TRDN: variants seen among roughly 807,000 people sequenced by gnomAD.
TRDN encodes triadin in skeletal muscle.
In TRDN, 161 loss-of-function variants were observed where a neutral mutation model predicts 149.7. That is an observed-to-expected ratio of 1.08 (90% CI 0.95 to 1.23). The LOEUF is 1.23. TRDN is among the 50% of genes most tolerant of loss of function. The pLI, the probability that TRDN is intolerant of heterozygous loss-of-function variation, is 0.00. For missense variants in TRDN, 896 were observed against 823.5 expected (o/e 1.09, Z -1.08); for synonymous variants, 294 against 250.5 (o/e 1.17, Z -1.64).
At chr6:123,419,371 T>G in intron 12 of TRDN, among the ~76,000 whole-genome samples, 1 of 152,228 alleles carries the variant, frequency 6.6e-6, no homozygotes, top group South Asian at 2.1e-4. Flanking sequence ...ATGCATAATT[T>G]TTTAAAATTT....
chr6:123,416,946 A>G (rs1582992986), intron 12 of TRDN, among the ~76,000 whole-genome samples: 1 of 152,124 alleles, frequency 6.6e-6, no homozygotes, highest in African/African-American at 2.4e-5. Flanking sequence ...TAGGTGATCC[A>G]CCTGCCTCCG....
chr6:123,278,645 C>T (rs1026603238), intron 25 of TRDN, among the ~76,000 whole-genome samples: 2 of 152,160 alleles, frequency 1.3e-5, no homozygotes, highest in South Asian at 2.1e-4. Flanking sequence ...TGGTGCGTGC[C>T]TGTAATCCCA....
intron 24 of TRDN, among the ~76,000 whole-genome samples, chr6:123,305,441 C>G (rs1778574082): frequency 1.3e-5 from 2 of 152,114 alleles, no homozygotes; most frequent in Admixed American, 6.6e-5. Context: ...TTAGGTTCCT[C>G]CAATTCAACT....
chr6:123,316,616 A>C, intron 23 of TRDN, 121 bp from the exon 24 acceptor site: 1 of 723,810 alleles, frequency 1.4e-6, no homozygotes, highest in Non-Finnish European at 2.3e-6. Context: ...TCTGTTTTCA[A>C]TTTCAATTAT....
intron 10 of TRDN, among the ~76,000 whole-genome samples, chr6:123,449,027 A>G (rs1342346084): frequency 6.6e-6 from 1 of 152,120 alleles, no homozygotes; most frequent in African/African-American, 2.4e-5. Flanking sequence ...GGGGGAGAGT[A>G]CTACATCAAG....
chr6:123,446,635 A>G (rs1775392777), intron 10 of TRDN, among the ~76,000 whole-genome samples: 1 of 149,394 alleles, frequency 6.7e-6, no homozygotes, highest in African/African-American at 2.5e-5. Context: ...GTGAGGCCAG[A>G]GTAGAGGACT....
intron 39 of TRDN, among the ~76,000 whole-genome samples, chr6:123,222,713 G>A (rs544504108): frequency 4.0e-5 from 6 of 150,264 alleles, no homozygotes; most frequent in Non-Finnish European, 8.9e-5. Flanking sequence ...AAGTGGAAGA[G>A]AAAATACTTT....
chr6:123,581,263 A>G (rs1283157997), intron 1 of TRDN, among the ~76,000 whole-genome samples: 1 of 152,206 alleles, frequency 6.6e-6, no homozygotes, highest in Non-Finnish European at 1.5e-5. Context: ...CAACTCCTTG[A>G]CAATATTTCC....
chr6:123,534,583 C>T (rs1780427158), intron 4 of TRDN, among the ~76,000 whole-genome samples: 1 of 152,130 alleles, frequency 6.6e-6, no homozygotes, highest in South Asian at 2.1e-4. Context: ...CATAGGGAGG[C>T]AATGCCTGAT....
chr6:123,449,692 A>G (rs9490760), intron 10 of TRDN, among the ~76,000 whole-genome samples: 22,969 of 152,166 alleles, frequency 0.15, 2,254 homozygotes, highest in African/African-American at 0.28. Flanking sequence ...AGAGACTTAG[A>G]CATCCAAATA....
At chr6:123,562,694 C>T (rs1379688573) in intron 2 of TRDN, among the ~76,000 whole-genome samples, 3 of 152,178 alleles carry the variant, frequency 2.0e-5, no homozygotes, top group African/African-American at 7.2e-5. Context: ...GGATGCAAAA[C>T]TCCTGAAGTA....
intron 1 of TRDN, among the ~76,000 whole-genome samples, chr6:123,588,248 T>A (rs1265918784): frequency 6.6e-6 from 1 of 152,190 alleles, no homozygotes; most frequent in Non-Finnish European, 1.5e-5. Context: ...TACAATATTT[T>A]TATTTCTTGT....
In TRDN at chr6:123,397,473, A is replaced by C. The variant is rs901293361; in HGVS notation, c.1052-3796T>G. Among the ~76,000 whole-genome samples, 3 of 152,140 alleles carry C rather than the reference A, an allele frequency of 2.0e-5. No individual in the cohort carries two copies. In the East Asian group the frequency reaches 5.8e-4, roughly 29 times the overall value. On this transcript the variant is annotated intron_variant, in intron 12 of 40. Transcript: ENST00000334268. ...TGATTGTCACTTATTCAACTTTATAACTCCAGACCCAACAAACTGCTGGAA... is the reference window on the plus strand; with the variant it reads ...TGATTGTCACTTATTCAACTTTATACCTCCAGACCCAACAAACTGCTGGAA...
chr6:123,293,242 A>T (rs1778075011), intron 24 of TRDN, among the ~76,000 whole-genome samples: 1 of 152,112 alleles, frequency 6.6e-6, no homozygotes, highest in Non-Finnish European at 1.5e-5. Context: ...ATGCTGAAAT[A>T]TTCAAACCCC....
At chr6:123,350,072 A>G in intron 21 of TRDN, 1 of 981,334 alleles carries the variant, frequency 1.0e-6, no homozygotes, top group South Asian at 4.7e-5. Context: ...ACTCTGATAC[A>G]TTTATGATCA....
rs535478972 is a variant in TRDN, at chr6:123,253,344, A to G, written c.1952-909T>C. Among the ~76,000 whole-genome samples the G allele has an allele frequency of 5.3e-5, 8 of 152,196 alleles. No individual in the cohort carries two copies. In the East Asian group the frequency reaches 1.5e-3, roughly 29 times the overall value. ...AAAATATGATTTTTAAGCTACCTGT[A>G]TTACATGGTTTATTTTGAGATTTGT... On this transcript the variant is annotated intron_variant, in intron 37 of 40. Transcript: ENST00000334268.
chr6:123,595,990 A>T (rs1784021493), intron 1 of TRDN, among the ~76,000 whole-genome samples: 1 of 152,114 alleles, frequency 6.6e-6, no homozygotes. Context: ...CTTTTAAATC[A>T]AAAGCTACAA....
At chr6:123,287,113 GA>G (rs1286764357) in intron 24 of TRDN, among the ~76,000 whole-genome samples, 1 of 152,032 alleles carries the variant, frequency 6.6e-6, no homozygotes, top group Non-Finnish European at 1.5e-5. Context: ...AGGTCTTAAT[GA>G]TGAAATCTCA....
intron 2 of TRDN, among the ~76,000 whole-genome samples, chr6:123,560,907 T>C (rs1447363020): frequency 6.6e-6 from 1 of 152,170 alleles, no homozygotes; most frequent in Non-Finnish European, 1.5e-5. Flanking sequence ...CTCAAGGAAA[T>C]AACTTCTCAG....
Sources: allele counts gnomAD v4.1 joint callset (sites outside exome capture counted in the v4.1 genomes callset), GRCh38; gene constraint gnomAD v4.1.1; transcripts MANE v1.5; gene names NCBI Gene and HGNC (gene_info 2026-07-23, HGNC 2026-07-21).